SMPD2: variants seen among roughly 807,000 people sequenced by gnomAD.
The protein encoded by SMPD2 is N-SMase.
In SMPD2, 35 loss-of-function variants were observed where a neutral mutation model predicts 41.7. The ratio of observed to expected loss-of-function variants is 0.84; its 90% confidence interval spans 0.64 to 1.11. The LOEUF (loss-of-function observed/expected upper bound fraction) is 1.11, where lower values mean the gene tolerates loss of function less well. Among genes scored for constraint, SMPD2 ranks in the 50% most tolerant of loss-of-function variants. The pLI is 0.00. For missense variants in SMPD2, 520 were observed against 524.8 expected (o/e 0.99, Z 0.09); for synonymous variants, 201 against 208.2 (o/e 0.97, Z 0.30).
At position 109,442,217 on chromosome 6, in the gene SMPD2, A is replaced by G. The variant is rs763129686; in HGVS notation, c.326A>G (p.His109Arg). The G allele has an allele frequency of 6.2e-7, 1 of 1,614,182 alleles. No homozygotes were observed. The highest frequency in any genetic ancestry group is 1.1e-5 in the South Asian group (1 of 91,082). The change falls in exon 5 of 10, where the codon CAT becomes CGT. Residue 109 changes from histidine to arginine, a missense_variant. His to Arg is a conservative substitution (Grantham distance 29). Coordinates refer to ENST00000258052, the MANE Select transcript of SMPD2 (RefSeq NM_003080.3). ...TLNGYPYMIHHGDWFSGKAVG... is the reference protein window; with the variant it reads ...TLNGYPYMIHRGDWFSGKAVG... ...ATCTCCTCCTGCCTGCAGATCCATC[A>G]TGGTGACTGGTTCAGTGGGAAGGCT...
intron 8 of SMPD2, 84 bp from the exon 9 acceptor site, chr6:109,443,183 G>A: frequency 6.4e-7 from 1 of 1,560,344 alleles, no homozygotes; most frequent in East Asian, 2.2e-5. Flanking sequence ...ACCACTGATG[G>A]GTGGAAAGTG....
At position 109,441,985 on chromosome 6, in the gene SMPD2, G is replaced by T. The variant is rs746545283; in HGVS notation, c.236G>T (p.Gly79Val). ...AAHHFRSGII[G>V]SGLCVFSKHP... The stretch of plus-strand genomic sequence containing the variant: ...GGCTTGGCTTTCAGCGGAATCATTG[G>T]CAGTGGCCTCTGTGTCTTCTCCAAA... The change falls in exon 4 of 10, where the codon GGC becomes GTC. Residue 79 changes from glycine (G) to valine (V), a missense_variant. Transcript: ENST00000258052. 6.2e-7 allele frequency: 1 copy of T among 1,614,128 alleles called. No homozygotes were observed. Among genetic ancestry groups the T allele is most frequent in the Admixed American group, 1.7e-5 (1 of 60,024 alleles).
At position 109,441,958 on chromosome 6, in the gene SMPD2, A is replaced by G. The variant is rs765580671; in HGVS notation, c.225-16A>G. On this transcript the variant is annotated splice_polypyrimidine_tract_variant and intron_variant, in intron 3 of 9. Transcript: ENST00000258052. Reference sequence around the variant, plus strand: ...CTCCCTGTTTTTCTGGTTATTAAGCAGGGCTTGGCTTTCAGCGGAATCATT... The same window carrying G: ...CTCCCTGTTTTTCTGGTTATTAAGCGGGGCTTGGCTTTCAGCGGAATCATT... 2.5e-6 allele frequency: 4 copies of G among 1,612,406 alleles called. No individual in the cohort carries two copies. Among genetic ancestry groups the G allele is most frequent in the South Asian group, 2.2e-5 (2 of 91,040 alleles).
At chr6:109,443,155 C>A in intron 8 of SMPD2, 74 bp downstream of exon 8, 1 of 1,459,298 alleles carries the variant, frequency 6.9e-7, no homozygotes, top group South Asian at 1.3e-5. Flanking sequence ...ATCCTTTGCT[C>A]AGCTAGTCTA....
In SMPD2 at chr6:109,441,171, G is replaced by A. The variant is rs779974923; in HGVS notation, c.50G>A (p.Trp17Ter). 5.0e-6 allele frequency: 8 copies of A among 1,613,974 alleles called. No individual in the cohort carries two copies. The South Asian group carries it at 8.8e-5, about 18-fold the overall frequency. Residue 17 changes from tryptophan (W) to a stop codon, truncating the protein, a stop_gained and splice_region_variant, in exon 1 of 10, where the codon TGG (tryptophan) becomes TAG (stop). Coordinates refer to ENST00000258052, the MANE Select transcript of SMPD2 (RefSeq NM_003080.3). LOFTEE classifies it high-confidence loss of function. ...LRLRIFNLNCWGIPYLSKHRA... is the reference protein window; with the variant it reads ...LRLRIFNLNC ...CTGCGGATCTTCAACCTCAACTGCT[G>A]GTGAGTGCGTCTGCGGAGTGCGGTC... is the stretch of plus-strand genomic sequence containing the variant.
chr6:109,443,103 T>C, intron 8 of SMPD2, 22 bp downstream of exon 8: 3 of 1,586,418 alleles, frequency 1.9e-6, no homozygotes, highest in Non-Finnish European at 1.7e-6. Context: ...CCCTTCAACA[T>C]GCTTTCATAT....
Position 109,442,054 on chromosome 6 carries a change from G to C in SMPD2, c.305G>C (p.Gly102Ala). 1 of 1,612,796 alleles carries C rather than the reference G, an allele frequency of 6.2e-7. No homozygotes were observed. Among genetic ancestry groups the C allele is most frequent in the Non-Finnish European group, 8.5e-7 (1 of 1,178,826 alleles). Residue 102 changes from glycine (G) to alanine (A), a missense_variant, in exon 4 of 10, where the codon GGC becomes GCC. Transcript: ENST00000258052. Reference sequence around the variant, plus strand: ...ACCCAGCACATCTACACTCTCAATGGCTACCCCTACATGGTAAGGCAGACC... The same window carrying C: ...ACCCAGCACATCTACACTCTCAATGCCTACCCCTACATGGTAAGGCAGACC... ...ELTQHIYTLN[G>A]YPYMIHHGDW... is the part of the protein sequence containing the mutation.
chr6:109,443,201 C>T (rs1476386), intron 8 of SMPD2, 66 bp from the exon 9 acceptor site: 86,458 of 1,587,324 alleles, frequency 0.054, 2,598 homozygotes, highest in Admixed American at 0.1. Flanking sequence ...GTGGGGTAGC[C>T]GGGAGCTGGT....
At chr6:109,443,166 G>A in intron 8 of SMPD2, 85 bp downstream of exon 8, 8 of 1,409,942 alleles carry the variant, frequency 5.7e-6, no homozygotes, top group Non-Finnish European at 7.6e-6. Context: ...AGCTAGTCTA[G>A]TCTTGGACCA....
intron 4 of SMPD2, 45 bp downstream of exon 4, chr6:109,442,112 A>AGT: frequency 6.3e-7 from 1 of 1,579,476 alleles, no homozygotes; most frequent in Non-Finnish European, 8.7e-7. Context: ...CCCCACCTCC[A>AGT]GTAATACAAG....
Position 109,441,047 on chromosome 6 carries a change from G to T in SMPD2, c.-75G>T, listed in dbSNP as rs1774844669. Reference sequence around the variant, plus strand: ...AGGAACGGTCTGGGGAGAAGGCGCCGCCGGCCGCCCCCGTCCCCACCGCGG... The same window carrying T: ...AGGAACGGTCTGGGGAGAAGGCGCCTCCGGCCGCCCCCGTCCCCACCGCGG... On this transcript the variant is annotated 5_prime_UTR_variant, in exon 1 of 10. Transcript: ENST00000258052. 6.7e-7 allele frequency: 1 copy of T among 1,501,614 alleles called. No homozygotes were observed. The highest frequency in any genetic ancestry group is 2.3e-5 in the East Asian group (1 of 44,226). The allele number at this position is 1,501,614 out of a possible 1,614,324, so 93.0% of individuals were successfully genotyped here. A position where few individuals can be genotyped will look rare whatever the true frequency, so the allele number is the denominator to read the frequency against.
In SMPD2 at chr6:109,442,628, G is replaced by A; in HGVS notation, c.491+3G>A. On this transcript the variant is annotated splice_donor_region_variant and intron_variant, in intron 6 of 9. Transcript: ENST00000258052. ...TGGGAATTGGCCCAGTTCATCCAGTGTGTGAGCCTGGGCTTGAAATGGGAA... is the reference window on the plus strand; with the variant it reads ...TGGGAATTGGCCCAGTTCATCCAGTATGTGAGCCTGGGCTTGAAATGGGAA... The A allele has an allele frequency of 1.2e-6, 2 of 1,614,200 alleles. No homozygotes were observed. Among genetic ancestry groups the A allele is most frequent in the Non-Finnish European group, 1.7e-6 (2 of 1,180,036 alleles).
At position 109,441,173 on chromosome 6, in the gene SMPD2, T is replaced by C; in HGVS notation, c.50+2T>C. On this transcript the variant is annotated splice_donor_variant, in intron 1 of 9. Transcript: ENST00000258052. LOFTEE classifies it high-confidence loss of function. ...GCGGATCTTCAACCTCAACTGCTGG[T>C]GAGTGCGTCTGCGGAGTGCGGTCTG... The C allele has an allele frequency of 6.2e-7, 1 of 1,614,124 alleles. No homozygotes were observed. Among genetic ancestry groups the C allele is most frequent in the Middle Eastern group, 1.7e-4 (1 of 6,060 alleles).
Position 109,443,077 on chromosome 6 carries a change from A to T in SMPD2, c.725A>T (p.Tyr242Phe), listed in dbSNP as rs151113109. ...PFGVRIDYVL[Y>F]KAVSGFYISC... ...GGTGTCCGCATTGACTACGTGCTTT[A>T]CAAGGTCAGGCTCCTCCCTTCAACA... is the stretch of plus-strand genomic sequence containing the variant. Residue 242 changes from tyrosine (Y) to phenylalanine (F), a missense_variant, in exon 8 of 10, where the codon TAC becomes TTC. Coordinates refer to ENST00000258052, the MANE Select transcript of SMPD2 (RefSeq NM_003080.3). 6.4e-5 allele frequency: 104 copies of T among 1,613,294 alleles called. No homozygotes were observed. The highest frequency in any genetic ancestry group is 8.5e-5 in the Non-Finnish European group (100 of 1,179,236).
At chr6:109,442,396 G>A in intron 5 of SMPD2, 97 bp downstream of exon 5, 1 of 1,374,190 alleles carries the variant, frequency 7.3e-7, no homozygotes. Flanking sequence ...GGGATGAGGT[G>A]TGGGGGCAAG....
chr6:109,442,861 T>C lies in SMPD2; in HGVS notation c.601T>C (p.Tyr201His). Residue 201 changes from tyrosine (Y) to histidine (H), a missense_variant, in exon 7 of 10, where the codon TAT (tyrosine) becomes CAT (histidine). Transcript: ENST00000258052. ...LKEWTGLHDA[Y>H]LETRDFKGSE... ...GGAGTGGACAGGGCTTCATGATGCC[T>C]ATCTTGAAACTCGGGACTTCAAGGT... is the stretch of plus-strand genomic sequence containing the variant. 1.9e-6 allele frequency: 3 copies of C among 1,613,134 alleles called. No homozygotes were observed. In the South Asian group the frequency reaches 3.3e-5, roughly 18 times the overall value.
At chr6:109,442,469 A>C in intron 5 of SMPD2, 74 bp from the exon 6 acceptor site, 1 of 1,437,018 alleles carries the variant, frequency 7.0e-7, no homozygotes, top group Non-Finnish European at 9.7e-7. Context: ...GCCAAGTGAC[A>C]GACACAGGCT....
At position 109,442,196 on chromosome 6, in the gene SMPD2, C is replaced by T. The variant is rs1774936097; in HGVS notation, c.319-14C>T. 2 of 1,613,672 alleles carry T rather than the reference C, an allele frequency of 1.2e-6. No individual in the cohort carries two copies. Among genetic ancestry groups the T allele is most frequent in the East Asian group, 2.2e-5 (1 of 44,868 alleles). Reference sequence around the variant, plus strand: ...GTGGCGGTGCCCTGAGTTTCTATCTCCTCCTGCCTGCAGATCCATCATGGT... The same window carrying T: ...GTGGCGGTGCCCTGAGTTTCTATCTTCTCCTGCCTGCAGATCCATCATGGT... On this transcript the variant is annotated splice_polypyrimidine_tract_variant and intron_variant, in intron 4 of 9. Coordinates refer to ENST00000258052, the MANE Select transcript of SMPD2 (RefSeq NM_003080.3).
Position 109,442,750 on chromosome 6 carries a change from A to C in SMPD2, c.492-2A>C. 2 of 1,613,554 alleles carry C rather than the reference A, an allele frequency of 1.2e-6. No individual in the cohort carries two copies. Among genetic ancestry groups the C allele is most frequent in the Non-Finnish European group, 1.7e-6 (2 of 1,179,914 alleles). On this transcript the variant is annotated splice_acceptor_variant, in intron 6 of 9. Coordinates refer to ENST00000258052, the MANE Select transcript of SMPD2 (RefSeq NM_003080.3). LOFTEE classifies it high-confidence loss of function. ...CCCGCCTCACCAACCTGGTTCCCCCAGCCACACATCCAAGAAGGCAGACGT... is the reference window on the plus strand; with the variant it reads ...CCCGCCTCACCAACCTGGTTCCCCCCGCCACACATCCAAGAAGGCAGACGT...
Sources: gnomAD v4.1 joint callset for allele counts on GRCh38, gnomAD v4.1.1 for gene constraint, MANE v1.5 for transcripts, NCBI Gene and HGNC (gene_info 2026-07-23, HGNC 2026-07-21) for gene names.